Variants in SLC12A8 observed in about 807,000 individuals in gnomAD.
SLC12A8 encodes cation-chloride cotransporter 9.
SLC12A8 carries 69 observed loss-of-function variants against 75.6 expected under a neutral mutation model. The observed-to-expected ratio is 0.91, with a 90% confidence interval of 0.75 to 1.11. SLC12A8 has a LOEUF of 1.11. Among genes scored for constraint, SLC12A8 ranks in the 50% most tolerant of loss-of-function variants. SLC12A8 has a pLI of 0.00. For synonymous variants in SLC12A8, 365 were observed against 372.8 expected (o/e 0.98, Z 0.24); for missense variants, 877 against 896.7 (o/e 0.98, Z 0.28).
chr3:125,190,292 G>T (rs893414508), intron 3 of SLC12A8, 83 bp downstream of exon 3: 2 of 1,457,776 alleles, frequency 1.4e-6, no homozygotes, highest in Non-Finnish European at 1.9e-6. Flanking sequence ...GGAATCTGTG[G>T]CCTGCACTGT....
intron 13 of SLC12A8, 72 bp downstream of exon 13, chr3:125,088,238 G>A (rs1198301197): frequency 1.3e-6 from 2 of 1,496,158 alleles, no homozygotes; most frequent in East Asian, 2.3e-5. Flanking sequence ...AGCCAGGAAT[G>A]GGACACCCTT....
At chr3:125,201,817 A>C (rs1355529787) in intron 2 of SLC12A8, among the ~76,000 whole-genome samples, 1 of 152,186 alleles carries the variant, frequency 6.6e-6, no homozygotes, top group African/African-American at 2.4e-5. Context: ...AGAAAGAAAA[A>C]ATTTAGGAAT....
At chr3:125,169,801 C>A (rs1047153584) in intron 5 of SLC12A8, among the ~76,000 whole-genome samples, 5 of 152,190 alleles carry the variant, frequency 3.3e-5, no homozygotes, top group Admixed American at 2.0e-4. Context: ...CCACCTGTCA[C>A]AACTGCCACC....
chr3:125,092,367 C>A (rs755319340), intron 10 of SLC12A8, among the ~76,000 whole-genome samples, 169 bp from the exon 11 acceptor site: 8 of 152,144 alleles, frequency 5.3e-5, no homozygotes, highest in Non-Finnish European at 1.0e-4. Flanking sequence ...GGCCTCCCAC[C>A]AGCCAAGGAT....
chr3:125,141,167 G>C (rs1933622264), intron 5 of SLC12A8, among the ~76,000 whole-genome samples: 1 of 148,070 alleles, frequency 6.8e-6, no homozygotes, highest in Non-Finnish European at 1.5e-5. Flanking sequence ...CAAAAAGGGG[G>C]GTGGGGTGGG....
At chr3:125,137,604 C>T (rs1391985033) in intron 5 of SLC12A8, among the ~76,000 whole-genome samples, 1 of 152,152 alleles carries the variant, frequency 6.6e-6, no homozygotes, top group Non-Finnish European at 1.5e-5. Flanking sequence ...AGGCCCGCCT[C>T]GCAGGACAGA....
chr3:125,122,195 T>C (rs996795751), intron 6 of SLC12A8, among the ~76,000 whole-genome samples: 3 of 152,178 alleles, frequency 2.0e-5, no homozygotes, highest in Non-Finnish European at 2.9e-5. Flanking sequence ...ATTATAAAAA[T>C]ATATAGAAAA....
At chr3:125,205,217 C>T (rs887227275) in intron 2 of SLC12A8, among the ~76,000 whole-genome samples, 10 of 152,194 alleles carry the variant, frequency 6.6e-5, no homozygotes, top group African/African-American at 2.4e-4. Flanking sequence ...GTCTTCAGCC[C>T]CCTGAGCATC....
chr3:125,172,985 C>T (rs902507154), intron 5 of SLC12A8, among the ~76,000 whole-genome samples: 1 of 152,178 alleles, frequency 6.6e-6, no homozygotes, highest in Non-Finnish European at 1.5e-5. Flanking sequence ...TCGAGACCAG[C>T]CTTGCCAACA....
intron 10 of SLC12A8, among the ~76,000 whole-genome samples, chr3:125,096,440 A>G (rs1938714117): frequency 6.6e-6 from 1 of 152,130 alleles, no homozygotes; most frequent in Non-Finnish European, 1.5e-5. Context: ...ATGTCTATTC[A>G]GCATGTTCCC....
chr3:125,211,111 A>G (rs1172072123), intron 2 of SLC12A8, among the ~76,000 whole-genome samples, 188 bp downstream of exon 2: 1 of 152,234 alleles, frequency 6.6e-6, no homozygotes, highest in Non-Finnish European at 1.5e-5. Flanking sequence ...GGTTTTCTGT[A>G]TATGAACAGT....
intron 5 of SLC12A8, among the ~76,000 whole-genome samples, chr3:125,176,908 T>A (rs1353259072): frequency 6.6e-6 from 1 of 151,740 alleles, no homozygotes; most frequent in Non-Finnish European, 1.5e-5. Context: ...ATTGTGGAAG[T>A]CGGTGTGGCG....
chr3:125,102,141 G>A (rs910569183), intron 10 of SLC12A8, among the ~76,000 whole-genome samples: 1 of 152,172 alleles, frequency 6.6e-6, no homozygotes, highest in African/African-American at 2.4e-5. Flanking sequence ...TTGCACAGTG[G>A]AAGACATCAG....
intron 5 of SLC12A8, among the ~76,000 whole-genome samples, chr3:125,165,210 A>G (rs1187828442): frequency 6.6e-6 from 1 of 152,216 alleles, no homozygotes; most frequent in African/African-American, 2.4e-5. Flanking sequence ...CAGAAGGAGA[A>G]CGTGAATGCC....
At chr3:125,190,336 G>A (rs1464503492) in intron 3 of SLC12A8, 39 bp downstream of exon 3, 1 of 1,609,326 alleles carries the variant, frequency 6.2e-7, no homozygotes, top group East Asian at 2.2e-5. Flanking sequence ...TCCTGTCTTG[G>A]GCCCGTGAGA....
chr3:125,179,110 T>TA (rs1216040580), intron 4 of SLC12A8, among the ~76,000 whole-genome samples: 4 of 152,234 alleles, frequency 2.6e-5, no homozygotes, highest in Non-Finnish European at 5.9e-5. Context: ...CTAATCACTG[T>TA]AGCCCTGCCC....
chr3:125,088,314 A>T lies in SLC12A8; in HGVS notation c.1978T>A (p.Cys660Ser). Reference sequence around the variant, plus strand: ...TGGCTCCAAATTGGCACAGACCTGCAGGAGGGGAGCAAGAGAGACCTCATC... The same window carrying T: ...TGGCTCCAAATTGGCACAGACCTGCTGGAGGGGAGCAAGAGAGACCTCATC... ...RWMRSLLLPS[C>S]RSLRSPQEQI... Residue 660 changes from cysteine (C) to serine (S), a missense_variant, in exon 13 of 14, where the codon TGC (cysteine) becomes AGC (serine). By Grantham distance (112) the Cys-to-Ser change is moderately radical. Transcript: ENST00000469902. 1 of 1,614,182 alleles carries T rather than the reference A, an allele frequency of 6.2e-7. No homozygotes were observed. Among genetic ancestry groups the T allele is most frequent in the Non-Finnish European group, 8.5e-7 (1 of 1,180,010 alleles).
chr3:125,173,242 AC>A (rs757487017), intron 5 of SLC12A8, among the ~76,000 whole-genome samples: 2 of 152,162 alleles, frequency 1.3e-5, no homozygotes, highest in African/African-American at 2.4e-5. Context: ...ATAGATGCTA[AC>A]CAACTTTAAG....
At chr3:125,120,964 G>A (rs76202207) in intron 6 of SLC12A8, 82 of 669,444 alleles carry the variant, frequency 1.2e-4, no homozygotes, top group Admixed American at 8.9e-4. Context: ...AAGCAACCAG[G>A]GGGGAGGAAA....
Sources: allele counts gnomAD v4.1 joint callset (sites outside exome capture counted in the v4.1 genomes callset), GRCh38; gene constraint gnomAD v4.1.1; transcripts MANE v1.5; gene names NCBI Gene and HGNC (gene_info 2026-07-23, HGNC 2026-07-21).